Variants in GLRB observed in about 807,000 individuals in gnomAD.
GLRB encodes the protein glycine receptor subunit beta.
Under a neutral mutation model 54.2 loss-of-function variants are expected in GLRB, and 33 were observed. The observed-to-expected ratio is 0.61, with a 90% CI of 0.46 to 0.81. The LOEUF (loss-of-function observed/expected upper bound fraction) is 0.81. GLRB is among the 40% of genes least tolerant of loss of function. GLRB has a pLI of 0.00. For missense variants in GLRB, 572 were observed against 584.6 expected, an observed-to-expected ratio of 0.98 and a Z score of 0.22; for synonymous variants, 209 against 208.2, an observed-to-expected ratio of 1.00 and a Z score of -0.03.
At chr4:157,153,310 G>T (rs748368281) in intron 9 of GLRB, among the ~76,000 whole-genome samples, 3 of 152,160 alleles carry the variant, frequency 2.0e-5, no homozygotes, top group Non-Finnish European at 2.9e-5. Context: ...TGAATTTGGA[G>T]ACCTTGCTGG....
intron 7 of GLRB, among the ~76,000 whole-genome samples, chr4:157,142,245 T>C (rs1736644757): frequency 6.6e-6 from 1 of 152,140 alleles, no homozygotes; most frequent in Non-Finnish European, 1.5e-5. Context: ...AGGGAGATTT[T>C]TCATTGTTAT....
intron 2 of GLRB, among the ~76,000 whole-genome samples, chr4:157,094,839 G>C (rs185329324): frequency 2.1e-4 from 32 of 152,276 alleles, no homozygotes; most frequent in African/African-American, 7.0e-4. Context: ...CTATGAACCA[G>C]CCATTCTATT....
chr4:157,078,167 A>G (rs1393676503), intron 2 of GLRB, 21 bp downstream of exon 2: 23 of 1,610,916 alleles, frequency 1.4e-5, no homozygotes, highest in Admixed American at 3.3e-5. Flanking sequence ...CATGTCTTAT[A>G]TTCTTATATG....
chr4:157,126,666 G>A (rs775500628), intron 4 of GLRB, among the ~76,000 whole-genome samples: 40 of 151,938 alleles, frequency 2.6e-4, no homozygotes, highest in Middle Eastern at 3.4e-3. Context: ...TAGGGGCTAG[G>A]TGACATCTGT....
At chr4:157,099,657 T>G (rs919956933) in intron 2 of GLRB, among the ~76,000 whole-genome samples, 2 of 152,156 alleles carry the variant, frequency 1.3e-5, no homozygotes, top group East Asian at 3.9e-4. Context: ...TTTTTATACA[T>G]GTATTTTGTT....
intron 9 of GLRB, among the ~76,000 whole-genome samples, chr4:157,162,915 A>G (rs372562228): frequency 6.6e-6 from 1 of 152,048 alleles, no homozygotes; most frequent in African/African-American, 2.4e-5. Context: ...CTTTTGTTCA[A>G]CTAGGCCTGC....
At chr4:157,126,856 A>G (rs1259011986) in intron 4 of GLRB, among the ~76,000 whole-genome samples, 1 of 151,814 alleles carries the variant, frequency 6.6e-6, no homozygotes, top group Non-Finnish European at 1.5e-5. Context: ...AATACATAAG[A>G]GCTCTTTCAT....
chr4:157,093,202 A>G (rs1734681009), intron 2 of GLRB, among the ~76,000 whole-genome samples: 1 of 152,186 alleles, frequency 6.6e-6, no homozygotes, highest in Non-Finnish European at 1.5e-5. Context: ...TTCTGAGCAC[A>G]CAATCTGACA....
chr4:157,115,978 G>T (rs1320755178), intron 2 of GLRB, among the ~76,000 whole-genome samples: 1 of 151,692 alleles, frequency 6.6e-6, no homozygotes, highest in Non-Finnish European at 1.5e-5. Context: ...GTTTTAGCAA[G>T]AAGATTAATA....
chr4:157,126,716 A>G (rs965505727), intron 4 of GLRB, among the ~76,000 whole-genome samples: 2 of 151,872 alleles, frequency 1.3e-5, no homozygotes, highest in African/African-American at 4.8e-5. Context: ...GTTTCCATTC[A>G]GTTCCTAACT....
At chr4:157,123,709 T>G (rs1735914152) in intron 4 of GLRB, among the ~76,000 whole-genome samples, 1 of 151,782 alleles carries the variant, frequency 6.6e-6, no homozygotes, top group East Asian at 1.9e-4. Context: ...TACTTCACTT[T>G]CCAAGAGTAA....
At chr4:157,091,815 C>T (rs1425507140) in intron 2 of GLRB, among the ~76,000 whole-genome samples, 4 of 152,180 alleles carry the variant, frequency 2.6e-5, no homozygotes, top group Non-Finnish European at 4.4e-5. Flanking sequence ...CTGATCTCTT[C>T]GTGACACTAT....
intron 9 of GLRB, among the ~76,000 whole-genome samples, chr4:157,165,589 G>A (rs1737675455): frequency 6.6e-6 from 1 of 151,970 alleles, no homozygotes; most frequent in African/African-American, 2.4e-5. Flanking sequence ...TTTGTGGCCT[G>A]TATACAAAAA....
At chr4:157,156,228 T>C (rs571327010) in intron 9 of GLRB, among the ~76,000 whole-genome samples, 5 of 152,344 alleles carry the variant, frequency 3.3e-5, no homozygotes, top group Non-Finnish European at 7.3e-5. Context: ...TTCCAATCCA[T>C]GAGTATGGGA....
intron 2 of GLRB, among the ~76,000 whole-genome samples, chr4:157,110,327 T>C (rs1051597674): frequency 6.7e-5 from 10 of 150,332 alleles, no homozygotes; most frequent in African/African-American, 2.0e-4. Flanking sequence ...AAGACCCTTT[T>C]CTTCACTCTT....
chr4:157,143,990 A>G, intron 8 of GLRB, 31 bp downstream of exon 8: 1 of 1,599,176 alleles, frequency 6.3e-7, no homozygotes, highest in Non-Finnish European at 8.6e-7. Context: ...TTGTCACATC[A>G]GGAACAGATT....
At chr4:157,159,597 G>C (rs543376328) in intron 9 of GLRB, among the ~76,000 whole-genome samples, 1 of 152,112 alleles carries the variant, frequency 6.6e-6, no homozygotes, top group Non-Finnish European at 1.5e-5. Flanking sequence ...TAATCATCTG[G>C]TTTTTGTCTT....
intron 2 of GLRB, among the ~76,000 whole-genome samples, chr4:157,102,734 T>G (rs1316331873): frequency 1.3e-5 from 2 of 152,202 alleles, no homozygotes; most frequent in African/African-American, 4.8e-5. Flanking sequence ...AGTATATATA[T>G]TCAGCAGGCT....
intron 9 of GLRB, among the ~76,000 whole-genome samples, chr4:157,158,812 C>T (rs915671884): frequency 3.3e-5 from 5 of 152,074 alleles, no homozygotes; most frequent in Admixed American, 6.6e-5. Flanking sequence ...CTTGGCAATG[C>T]GGGCTCTTTT....
Sources: gnomAD v4.1 joint callset for allele counts (sites outside exome capture counted in the v4.1 genomes callset) on GRCh38, gnomAD v4.1.1 for gene constraint, MANE v1.5 for transcripts, NCBI Gene and HGNC (gene_info 2026-07-23, HGNC 2026-07-21) for gene names.